Variants in PDE4D observed in about 807,000 individuals in gnomAD.
PDE4D encodes 3',5'-cyclic-AMP phosphodiesterase 4D.
Under a neutral mutation model 87.4 loss-of-function variants are expected in PDE4D, and 24 were observed. The observed-to-expected ratio is 0.27, with a 90% CI of 0.20 to 0.39. The LOEUF (loss-of-function observed/expected upper bound fraction) is 0.39. Ranked by LOEUF, PDE4D falls within the 10% of genes least tolerant of loss-of-function variation. The probability of loss-of-function intolerance (pLI) is 1.00; values close to 1 mark genes in which losing one functional copy is unlikely to be tolerated. For missense variants in PDE4D, 714 were observed against 1,041.0 expected (o/e 0.69, Z 4.32); for synonymous variants, 384 against 383.2 (o/e 1.00, Z -0.02).
intron 2 of PDE4D, among the ~76,000 whole-genome samples, chr5:60,140,872 T>C (rs963004503): frequency 1.3e-5 from 2 of 152,124 alleles, no homozygotes; most frequent in Admixed American, 6.6e-5. Flanking sequence ...ACTTAGGAGA[T>C]TGTTTGAATG....
intron 1 of PDE4D, among the ~76,000 whole-genome samples, chr5:59,650,160 C>A (rs1312076769): frequency 6.6e-6 from 1 of 151,806 alleles, no homozygotes; most frequent in African/African-American, 2.4e-5. Flanking sequence ...TTCCCTCTCA[C>A]TTTTTAAATT....
At chr5:59,596,919 A>G (rs1826770189) in intron 1 of PDE4D, among the ~76,000 whole-genome samples, 1 of 152,154 alleles carries the variant, frequency 6.6e-6, no homozygotes, top group African/African-American at 2.4e-5. Flanking sequence ...GGTTCAGTGC[A>G]AACTGATAAC....
At position 59,768,136 on chromosome 5, in the gene PDE4D, G is replaced by A. The variant is rs1039907157; in HGVS notation, c.455+125032C>T. 28 of 1,316,856 alleles carry A rather than the reference G, an allele frequency of 2.1e-5. No individual in the cohort carries two copies. In the Middle Eastern group the frequency reaches 8.1e-4, roughly 38 times the overall value. The allele number at this position is 1,316,856 out of a possible 1,614,324, so 81.6% of individuals were successfully genotyped here. A position where few individuals can be genotyped will look rare whatever the true frequency, so the allele number is the denominator to read the frequency against. On this transcript the variant is annotated intron_variant, in intron 1 of 14. Coordinates refer to ENST00000340635, the MANE Select transcript of PDE4D (RefSeq NM_001104631.2). ...GGAGATCACTTGGCCATAAATCCCC[G>A]GTGAGGAATGATGATGGTCCTCCCT...
At chr5:60,482,728 T>G (rs1239510061) in intron 1 of PDE4D, among the ~76,000 whole-genome samples, 1 of 152,216 alleles carries the variant, frequency 6.6e-6, no homozygotes, top group Non-Finnish European at 1.5e-5. Flanking sequence ...TCACCAAAAC[T>G]AACATGTAGA....
intron 1 of PDE4D, chr5:60,460,305 G>C: frequency 9.8e-7 from 1 of 1,023,308 alleles, no homozygotes; most frequent in South Asian, 1.3e-5. Flanking sequence ...TATTTTCAAA[G>C]TAAAGATTTT....
At chr5:59,285,637 G>A (rs1766792921) in intron 1 of PDE4D, among the ~76,000 whole-genome samples, 1 of 152,112 alleles carries the variant, frequency 6.6e-6, no homozygotes, top group South Asian at 2.1e-4. Flanking sequence ...AAAATTTTTT[G>A]TTAAATATTT....
rs10051847 is a variant in PDE4D at position 58,975,869 on chromosome 5, C to A, written c.1831-30G>T. 1 of 1,346,582 alleles carries A rather than the reference C, an allele frequency of 7.4e-7. No homozygotes were observed. Among genetic ancestry groups the A allele is most frequent in the Admixed American group, 2.9e-5 (1 of 34,638 alleles). 83.4% of individuals were successfully genotyped at this position (1,346,582 alleles called of 1,614,324 possible). A position where few individuals can be genotyped will look rare whatever the true frequency, so the allele number is the denominator to read the frequency against. ...AATAGATGGATGCATTCTCTATTCA[C>A]TCCTGTTCCTTTTTTTTAAAAAAAA... is the stretch of plus-strand genomic sequence containing the variant. On this transcript the variant is annotated intron_variant, in intron 13 of 14. Transcript: ENST00000340635. This position sits in a 1 kb window ranked among gnomAD's most constrained non-coding sequence, Gnocchi z 4.2.
rs752504631 is a variant in PDE4D at position 59,978,584 on chromosome 5, T to C, written c.272+9904A>G. Reference sequence around the variant, plus strand: ...TCTGGTAAAGATGCTGTGAACATTGTTGAAATGGCAACAAAGGATTTAAAA... The same window carrying C: ...TCTGGTAAAGATGCTGTGAACATTGCTGAAATGGCAACAAAGGATTTAAAA... On this transcript the variant is annotated intron_variant, in intron 3 of 16. Coordinates refer to the PDE4D transcript ENST00000502484. 2.1e-3 allele frequency among the ~76,000 whole-genome samples: 318 copies of C among 152,298 alleles called. 4 individuals carry two copies. The highest frequency in any genetic ancestry group is 7.8e-4 in the Non-Finnish European group (53 of 68,024).
intron 5 of PDE4D, among the ~76,000 whole-genome samples, chr5:59,155,876 T>C (rs1444955204): frequency 2.6e-5 from 4 of 152,164 alleles, no homozygotes; most frequent in African/African-American, 9.6e-5. Context: ...CAAGAGGATG[T>C]AGGAGCTGAG....
intron 1 of PDE4D, among the ~76,000 whole-genome samples, chr5:59,640,327 G>A (rs1476728563): frequency 1.3e-5 from 2 of 152,158 alleles, no homozygotes; most frequent in African/African-American, 4.8e-5. Context: ...TCAGACTCTG[G>A]AGCCGGAGTT....
At chr5:59,913,969 A>C (rs1466387817) in intron 3 of PDE4D, among the ~76,000 whole-genome samples, 1 of 152,154 alleles carries the variant, frequency 6.6e-6, no homozygotes, top group Non-Finnish European at 1.5e-5. Context: ...ATCAAATCAT[A>C]TCTCTATTTC....
chr5:59,222,646 A>T (rs568973666), intron 1 of PDE4D, among the ~76,000 whole-genome samples: 2 of 152,200 alleles, frequency 1.3e-5, no homozygotes, highest in African/African-American at 4.8e-5. Flanking sequence ...TTTTCACTAC[A>T]TAGTAAGAAC....
At chr5:59,732,596 T>A (rs1432015999) in intron 1 of PDE4D, among the ~76,000 whole-genome samples, 1 of 152,120 alleles carries the variant, frequency 6.6e-6, no homozygotes, top group Non-Finnish European at 1.5e-5. Context: ...GGAAAACTCT[T>A]GACCTTTTGG....
intron 1 of PDE4D, among the ~76,000 whole-genome samples, chr5:59,771,921 T>A (rs775942315): frequency 6.6e-6 from 1 of 152,226 alleles, no homozygotes; most frequent in Non-Finnish European, 1.5e-5. Flanking sequence ...GAAGCAGGAT[T>A]GAGAGTTTCT....
At chr5:59,325,558 G>A (rs1221893348) in intron 1 of PDE4D, among the ~76,000 whole-genome samples, 3 of 152,106 alleles carry the variant, frequency 2.0e-5, no homozygotes, top group Admixed American at 2.0e-4. Flanking sequence ...AGATAATATG[G>A]ATAACCAAGA....
At chr5:59,007,501 A>C (rs1174757365) in intron 6 of PDE4D, among the ~76,000 whole-genome samples, 2 of 152,200 alleles carry the variant, frequency 1.3e-5, no homozygotes, top group Non-Finnish European at 1.5e-5. Context: ...AGAGGCAGAC[A>C]ATAATCTAGA....
In PDE4D at chr5:59,252,003, A is replaced by G. The variant is rs140051901; in HGVS notation, c.456-36035T>C. On this transcript the variant is annotated intron_variant, in intron 1 of 14. Transcript: ENST00000340635. ...TCAGGCACACAAAGAAGGAAACAAC[A>G]GACATTGGGGTCTACTTGATCAGGG... Among the ~76,000 whole-genome samples the G allele has an allele frequency of 2.4e-3, 370 of 152,218 alleles. 2 individuals carry two copies. Among genetic ancestry groups the G allele is most frequent in the African/African-American group, 8.7e-3 (363 of 41,532 alleles).
At chr5:60,440,453 G>T (rs767999717) in intron 1 of PDE4D, among the ~76,000 whole-genome samples, 1 of 152,102 alleles carries the variant, frequency 6.6e-6, no homozygotes, top group African/African-American at 2.4e-5. Flanking sequence ...AACAGGAAAA[G>T]TATAAGATAG....
At chr5:60,100,672 A>C (rs765022367) in intron 2 of PDE4D, among the ~76,000 whole-genome samples, 2 of 152,120 alleles carry the variant, frequency 1.3e-5, no homozygotes, top group Non-Finnish European at 2.9e-5. Flanking sequence ...TCAACCTTGC[A>C]TTGTTTTAGG....
Sources: allele counts gnomAD v4.1 joint callset (sites outside exome capture counted in the v4.1 genomes callset), GRCh38; gene constraint gnomAD v4.1.1; non-coding constraint Gnocchi (gnomAD v3.1); transcripts MANE v1.5; gene names NCBI Gene and HGNC (gene_info 2026-07-23, HGNC 2026-07-21).